Variants in PAQR5 observed in about 807,000 individuals in gnomAD.
The protein encoded by PAQR5 is progestin and adipoQ receptor family member 5.
In PAQR5, 20 loss-of-function variants were observed where a neutral mutation model predicts 34.5. The ratio of observed to expected loss-of-function variants is 0.58; its 90% CI spans 0.41 to 0.84. The LOEUF is 0.84. PAQR5 is among the 40% of genes least tolerant of loss of function. The pLI is 0.00. For synonymous variants in PAQR5, 131 were observed against 155.6 expected, an observed-to-expected ratio of 0.84 and a Z score of 1.18; for missense variants, 378 against 412.7, an observed-to-expected ratio of 0.92 and a Z score of 0.73.
At chr15:69,323,342 G>A (rs1158381620) in intron 1 of PAQR5, among the ~76,000 whole-genome samples, 2 of 152,214 alleles carry the variant, frequency 1.3e-5, no homozygotes, top group African/African-American at 4.8e-5. Flanking sequence ...ACCTATGGTG[G>A]TGAGGGAGGG....
intron 2 of PAQR5, among the ~76,000 whole-genome samples, 162 bp downstream of exon 2, chr15:69,337,663 G>A (rs2054541785): frequency 6.6e-6 from 1 of 152,180 alleles, no homozygotes; most frequent in African/African-American, 2.4e-5. Flanking sequence ...ATGGAACAGA[G>A]TTCTATCAAA....
At chr15:69,397,923 C>T (rs572265778) in intron 7 of PAQR5, 4 of 252,094 alleles carry the variant, frequency 1.6e-5, no homozygotes, top group South Asian at 1.3e-4. Context: ...GCACAGAGGC[C>T]CTGACTGACA....
intron 2 of PAQR5, among the ~76,000 whole-genome samples, chr15:69,339,168 A>ACCCCCCCCCCCCCCCCCCCC (rs111647955): frequency 6.0e-5 from 8 of 134,150 alleles, no homozygotes; most frequent in Non-Finnish European, 1.0e-4. Context: ...CCCACTGGCT[A>ACCCCCCCCCCCCCCCCCCCC]CACCCCCCAC....
intron 1 of PAQR5, among the ~76,000 whole-genome samples, chr15:69,323,505 C>G (rs2054176581): frequency 6.6e-6 from 1 of 152,214 alleles, no homozygotes; most frequent in African/African-American, 2.4e-5. Context: ...GTAAGGCTCA[C>G]CTGTGACCTT....
intron 1 of PAQR5, among the ~76,000 whole-genome samples, chr15:69,334,821 A>T (rs1057182292): frequency 1.3e-5 from 2 of 152,222 alleles, no homozygotes; most frequent in East Asian, 3.9e-4. Context: ...GATTGTCTTA[A>T]CCCAAAAGAG....
At position 69,404,786 on chromosome 15, in the gene PAQR5, T is replaced by C. The variant is rs1452975595; in HGVS notation, c.*964T>C. The C allele has an allele frequency of 2.5e-6, 1 of 396,552 alleles. No individual in the cohort carries two copies. Among genetic ancestry groups the C allele is most frequent in the Non-Finnish European group, 4.4e-6 (1 of 225,372 alleles). 24.6% of individuals were successfully genotyped at this position (396,552 alleles called of 1,614,324 possible). On this transcript the variant is annotated 3_prime_UTR_variant, in exon 9 of 9. Coordinates refer to ENST00000395407, the MANE Select transcript of PAQR5 (RefSeq NM_017705.4). ...GTGGTCACATATAGTGTTCTCAAGCTTTACTGTGAATCAGAAACATCCAGT... is the reference window on the plus strand; with the variant it reads ...GTGGTCACATATAGTGTTCTCAAGCCTTACTGTGAATCAGAAACATCCAGT...
At chr15:69,373,882 G>T (rs113665054) in intron 3 of PAQR5, among the ~76,000 whole-genome samples, 1,557 of 152,006 alleles carry the variant, frequency 0.01, 27 homozygotes, top group African/African-American at 0.036. Context: ...GAGATTACAG[G>T]TGTGAGCCAC....
At chr15:69,353,270 A>G (rs2140802825) in intron 2 of PAQR5, among the ~76,000 whole-genome samples, 1 of 152,306 alleles carries the variant, frequency 6.6e-6, no homozygotes, top group East Asian at 1.9e-4. Flanking sequence ...TCCATCATGG[A>G]AGAGGCAGTG....
rs149509763 is a variant in PAQR5 at position 69,371,828 on chromosome 15, C to T, written c.52-8055C>T. Among the ~76,000 whole-genome samples, 144 of 152,240 alleles carry T rather than the reference C, an allele frequency of 9.5e-4. 1 individual carries two copies. The highest frequency in any genetic ancestry group is 3.3e-3 in the African/African-American group (137 of 41,528). ...ACCTAGATTTTTTTGTAGGCTTTTG[C>T]TAACATTATCTCATAACAAATATCA... is the stretch of plus-strand genomic sequence containing the variant. On this transcript the variant is annotated intron_variant, in intron 3 of 8. Transcript: ENST00000395407.
rs376585090 is a variant in PAQR5 at position 69,356,591 on chromosome 15, A to AT, written c.-115-3370dup. Among the ~76,000 whole-genome samples the AT allele has an allele frequency of 5.5e-3, 842 of 152,232 alleles. 11 individuals carry two copies. The highest frequency in any genetic ancestry group is 0.019 in the African/African-American group (787 of 41,516). On this transcript the variant is annotated intron_variant, in intron 2 of 8. Transcript: ENST00000395407. ...CATCGCCATCATCCATCTTCAGAAC[A>AT]TTTTTATCATCCCAAACAGAAACTC...
At chr15:69,394,201 G>A (rs560279534) in intron 6 of PAQR5, among the ~76,000 whole-genome samples, 4 of 77,042 alleles carry the variant, frequency 5.2e-5, no homozygotes, top group African/African-American at 2.0e-4. Context: ...TCACCCATGA[G>A]CTCTGCTCTA....
At chr15:69,332,126 G>A (rs113917814) in intron 1 of PAQR5, among the ~76,000 whole-genome samples, 2 of 152,170 alleles carry the variant, frequency 1.3e-5, no homozygotes, top group Admixed American at 6.5e-5. Context: ...CCTCTGCAAG[G>A]GTTTGATTAA....
At chr15:69,398,895 GCCTGGATTCAGATCCTGACTTC>G (rs1403965825) in intron 7 of PAQR5, among the ~76,000 whole-genome samples, 1 of 152,214 alleles carries the variant, frequency 6.6e-6, no homozygotes, top group Non-Finnish European at 1.5e-5. Flanking sequence ...GAATCAGCCT[GCCTGGATTCAGATCCTGACTTC>G]ACTTCTCACT....
intron 2 of PAQR5, among the ~76,000 whole-genome samples, chr15:69,342,295 T>C: frequency 7.5e-6 from 1 of 133,836 alleles, no homozygotes; most frequent in African/African-American, 3.9e-5. Flanking sequence ...ATTATTATTA[T>C]TATTATTATT....
Position 69,322,747 on chromosome 15 carries a change from AAGAAGAAGAAGAAGAAGAAGAAGAGGG to A in PAQR5, c.-276-14581_-276-14555del, listed in dbSNP as rs1566997754. On this transcript the variant is annotated intron_variant, in intron 1 of 8. Coordinates refer to ENST00000395407, the MANE Select transcript of PAQR5 (RefSeq NM_017705.4). Reference sequence around the variant, plus strand: ...GAAGAAGAAGAAGAAGAAGAAGAAGAAGAAGAAGAAGAAGAAGAAGAAGAGGGAGAAGAAGAAGACGAGGAAGAAGAA... The same window carrying A: ...GAAGAAGAAGAAGAAGAAGAAGAAGAAGAAGAAGAAGACGAGGAAGAAGAA... Among the ~76,000 whole-genome samples, 323 of 40,648 alleles carry A rather than the reference AAGAAGAAGAAGAAGAAGAAGAAGAGGG, an allele frequency of 7.9e-3. 14 individuals carry two copies. Among genetic ancestry groups the A allele is most frequent in the Non-Finnish European group, 0.012 (228 of 19,438 alleles). The allele number at this position is 40,648 out of a possible 152,430, so 26.7% of individuals were successfully genotyped here.
rs1566998137 is a variant in PAQR5, at chr15:69,322,802, AGAGGAAGAG to A, written c.-276-14536_-276-14528del. Among the ~76,000 whole-genome samples the A allele has an allele frequency of 9.8e-3, 1,278 of 130,514 alleles. 338 individuals are homozygous for A. The highest frequency in any genetic ancestry group is 0.022 in the African/African-American group (618 of 27,984). 85.6% of individuals were successfully genotyped at this position (130,514 alleles called of 152,430 possible). On this transcript the variant is annotated intron_variant, in intron 1 of 8. Transcript: ENST00000395407. The stretch of plus-strand genomic sequence containing the variant: ...AAGAAGAAGACGAGGAAGAAGAAGA[AGAGGAAGAG>A]GAAGAAGAAGAAGAAGAAGAAGAAG...
chr15:69,323,640 G>A (rs756952111), intron 1 of PAQR5, among the ~76,000 whole-genome samples: 98 of 152,116 alleles, frequency 6.4e-4, no homozygotes, highest in Non-Finnish European at 1.2e-3. Flanking sequence ...ATAGCGTTGC[G>A]TTAAATGAAA....
chr15:69,338,959 A>T (rs534264290), intron 2 of PAQR5, among the ~76,000 whole-genome samples: 1 of 152,342 alleles, frequency 6.6e-6, no homozygotes, highest in South Asian at 2.1e-4. Context: ...AGGCCTCAAG[A>T]TTCTGACCCT....
chr15:69,318,421 T>C lies in PAQR5; in HGVS notation c.-276-18920T>C, dbSNP rs369851414. Among the ~76,000 whole-genome samples the C allele has an allele frequency of 3.3e-5, 5 of 152,302 alleles. No individual in the cohort carries two copies. In the South Asian group the frequency reaches 8.3e-4, roughly 25 times the overall value. The stretch of plus-strand genomic sequence containing the variant: ...CCTCAGAGATGTCTGTCTCCCTCTC[T>C]CCTGTTACCTGCTCGTGGTCCACTG... On this transcript the variant is annotated intron_variant, in intron 1 of 8. Coordinates refer to ENST00000395407, the MANE Select transcript of PAQR5 (RefSeq NM_017705.4).
Sources: gnomAD v4.1 joint callset for allele counts (sites outside exome capture counted in the v4.1 genomes callset) on GRCh38, gnomAD v4.1.1 for gene constraint, MANE v1.5 for transcripts, NCBI Gene and HGNC (gene_info 2026-07-23, HGNC 2026-07-21) for gene names.